Variants in MYH7B observed in about 807,000 individuals in gnomAD.
The protein encoded by MYH7B is myosin-7B.
Under a neutral mutation model 234.5 loss-of-function variants are expected in MYH7B, and 205 were observed. The ratio of observed to expected loss-of-function variants is 0.87; its 90% CI spans 0.78 to 0.98. The LOEUF (loss-of-function observed/expected upper bound fraction) is 0.98. MYH7B is among the 50% of genes least tolerant of loss of function. MYH7B has a pLI of 0.00. For missense variants in MYH7B, 2,652 were observed against 2,633.4 expected (o/e 1.01, Z -0.15); for synonymous variants, 1,193 against 1,105.0 (o/e 1.08, Z -1.58).
At position 34,997,336 on chromosome 20, in the gene MYH7B, G is replaced by A. The variant is rs780851152; in HGVS notation, c.3443G>A (p.Arg1148Gln). 8.4e-6 allele frequency: 13 copies of A among 1,544,220 alleles called. No homozygotes were observed. The highest frequency in any genetic ancestry group is 2.7e-5 in the African/African-American group (2 of 72,904). Residue 1148 changes from arginine to glutamine, a missense_variant, in exon 32 of 45, where the codon CGG becomes CAG. This residue lies in a region of MYH7B where 2,279 missense variants were observed against 2,211.4 expected (regional missense o/e 1.03). Coordinates refer to ENST00000262873, the Ensembl canonical transcript of MYH7B. ...GAGAAGCAGCGTGCAGAGGCGGCGC[G>A]GGAGCTGGAGGAGCTGAGCGAGCGG...
chr20:34,987,323 G>A (rs1181276906), intron 16 of MYH7B, 36 bp downstream of exon 16: 1 of 1,605,946 alleles, frequency 6.2e-7, no homozygotes, highest in South Asian at 1.1e-5. Context: ...ACTTGACCCA[G>A]ACCTCAGCAT....
rs1337970257 is a variant in MYH7B at position 34,986,203 on chromosome 20, G to A, written c.904+5G>A. 9 of 1,584,152 alleles carry A rather than the reference G, an allele frequency of 5.7e-6. No individual in the cohort carries two copies. Among genetic ancestry groups the A allele is most frequent in the Non-Finnish European group, 6.9e-6 (8 of 1,163,606 alleles). ...GGAGGAAGCCAGAGCTGCAGGGTGAGGGGCAGTACGATGAAGGGGGTGGGA... is the reference window on the plus strand; with the variant it reads ...GGAGGAAGCCAGAGCTGCAGGGTGAAGGGCAGTACGATGAAGGGGGTGGGA... On this transcript the variant is annotated splice_donor_5th_base_variant and intron_variant, in intron 14 of 44. Transcript: ENST00000262873.
intron 7 of MYH7B, chr20:34,980,162 A>C: frequency 5.5e-6 from 2 of 366,684 alleles, no homozygotes; most frequent in Non-Finnish European, 1.0e-5. Context: ...GTGGTGTGGC[A>C]AGTCAAGTAG....
intron 31 of MYH7B, 25 bp from the exon 32 acceptor site, chr20:34,997,226 C>G (rs779026062): frequency 6.4e-7 from 1 of 1,555,632 alleles, no homozygotes; most frequent in Non-Finnish European, 8.7e-7. Context: ...ACAGAGGTGA[C>G]AGCTGCCCCA....
chr20:34,987,287 A>C lies in MYH7B; in HGVS notation c.1147A>C (p.Ser383Arg), dbSNP rs766889734. ...GCAGGCGGAGGCCGATGGCACTGAG[A>C]GTGAGGGGCCCTAACCTGGCCTTCA... The change falls in exon 16 of 45, where the codon AGT becomes CGT. Residue 383 changes from serine to arginine, a missense_variant and splice_region_variant. Around this residue, in one of 3 missense-constraint regions of MYH7B, gnomAD observed 2,279 missense variants for 2,211.4 expected, o/e 1.03. Transcript: ENST00000262873. 2.5e-6 allele frequency: 4 copies of C among 1,610,400 alleles called. No individual in the cohort carries two copies. The East Asian group carries it at 8.9e-5, about 36-fold the overall frequency.
chr20:34,983,132 C>T (rs2081963312), intron 10 of MYH7B, among the ~76,000 whole-genome samples: 1 of 152,102 alleles, frequency 6.6e-6, no homozygotes, highest in Non-Finnish European at 1.5e-5. Context: ...TGTGGCTACC[C>T]CTAGATGGGC....
chr20:34,977,709 G>A (rs751861485), intron 4 of MYH7B, 29 bp downstream of exon 4: 20 of 1,515,580 alleles, frequency 1.3e-5, no homozygotes, highest in East Asian at 9.7e-5. Context: ...GGTTGGAGCC[G>A]AAGGGAGGGC....
chr20:34,967,884 A>G (rs1268413796), intron 2 of MYH7B, among the ~76,000 whole-genome samples: 1 of 152,060 alleles, frequency 6.6e-6, no homozygotes, highest in Non-Finnish European at 1.5e-5. Flanking sequence ...GTTTTACAAG[A>G]TCCTGGGATT....
intron 19 of MYH7B, 71 bp downstream of exon 19, chr20:34,988,333 A>T: frequency 6.6e-7 from 1 of 1,508,176 alleles, no homozygotes; most frequent in East Asian, 2.3e-5. Context: ...ATGGATGACC[A>T]TGGCTTGCAT....
intron 2 of MYH7B, among the ~76,000 whole-genome samples, chr20:34,963,197 A>G (rs2081714232): frequency 1.3e-5 from 2 of 152,232 alleles, no homozygotes; most frequent in African/African-American, 2.4e-5. Flanking sequence ...CAGTTGAAAC[A>G]TTGTTTTCAA....
intron 30 of MYH7B, 59 bp from the exon 31 acceptor site, chr20:34,997,024 T>C: frequency 6.8e-7 from 1 of 1,475,404 alleles, no homozygotes. Context: ...CGTTATGGGG[T>C]CCCAGGCGGG....
chr20:34,990,829 G>C lies in MYH7B; in HGVS notation c.2065+4G>C. 1 of 1,614,144 alleles carries C rather than the reference G, an allele frequency of 6.2e-7. No individual in the cohort carries two copies. The highest frequency in any genetic ancestry group is 8.5e-7 in the Non-Finnish European group (1 of 1,180,006). ...CCCAACGAGAACAAAACCCCAGGTA[G>C]TCACCCAGGGCTGGCCTGGCTGGGG... On this transcript the variant is annotated splice_donor_region_variant and intron_variant, in intron 23 of 44. Coordinates refer to ENST00000262873, the Ensembl canonical transcript of MYH7B.
At chr20:34,964,448 C>A (rs1021665808) in intron 2 of MYH7B, among the ~76,000 whole-genome samples, 1 of 152,070 alleles carries the variant, frequency 6.6e-6, no homozygotes, top group East Asian at 1.9e-4. Flanking sequence ...GTAGGGACAC[C>A]GTGGAGCTAG....
chr20:34,990,223 G>T lies in MYH7B; in HGVS notation c.1901-11G>T, dbSNP rs1407584199. ...ATTCCCTGGAGTGACCAGGCCCCTTGTCTCTATTAGCTGAGCCCCCCAAGT... is the reference window on the plus strand; with the variant it reads ...ATTCCCTGGAGTGACCAGGCCCCTTTTCTCTATTAGCTGAGCCCCCCAAGT... On this transcript the variant is annotated splice_polypyrimidine_tract_variant and intron_variant, in intron 21 of 44. Coordinates refer to ENST00000262873, the Ensembl canonical transcript of MYH7B. The T allele has an allele frequency of 1.9e-6, 3 of 1,614,036 alleles. No individual in the cohort carries two copies. The highest frequency in any genetic ancestry group is 2.2e-5 in the South Asian group (2 of 91,088).
At chr20:34,978,041 C>A in exon 5 of MYH7B, 2 of 1,614,120 alleles carry the variant, frequency 1.2e-6, no homozygotes, top group Non-Finnish European at 1.7e-6. Context: ...AGTCTGCCCG[C>A]TACCTCCGCC....
intron 40 of MYH7B, 43 bp downstream of exon 40, chr20:35,000,936 C>T: frequency 1.2e-6 from 2 of 1,611,000 alleles, no homozygotes; most frequent in East Asian, 4.5e-5. Context: ...GACAGAATTG[C>T]AGAGGGACTT....
chr20:34,972,624 T>C (rs2081803211), intron 2 of MYH7B, among the ~76,000 whole-genome samples: 2 of 152,172 alleles, frequency 1.3e-5, no homozygotes, highest in African/African-American at 4.8e-5. Context: ...CCTGGCAGTC[T>C]GGGTGTCACA....
chr20:34,967,083 G>C (rs1264888857), intron 2 of MYH7B, among the ~76,000 whole-genome samples: 1 of 151,854 alleles, frequency 6.6e-6, no homozygotes, highest in Non-Finnish European at 1.5e-5. Context: ...ATGAAAATTA[G>C]CTGGGCATGG....
At chr20:34,958,601 G>T (rs1455536038) in intron 2 of MYH7B, among the ~76,000 whole-genome samples, 1 of 152,114 alleles carries the variant, frequency 6.6e-6, no homozygotes. Flanking sequence ...GAGTAGCTGG[G>T]ATTACAGGCA....
Sources: allele counts gnomAD v4.1 joint callset (sites outside exome capture counted in the v4.1 genomes callset), GRCh38; gene constraint gnomAD v4.1.1; regional missense constraint gnomAD v4.1.1; transcripts MANE v1.5; gene names NCBI Gene and HGNC (gene_info 2026-07-23, HGNC 2026-07-21).